The following ERC1 variants were observed in gnomAD, a reference collection of about 807,000 sequenced individuals.
ERC1 encodes the protein RAB6 interacting protein 2.
Under a neutral mutation model 132.0 loss-of-function variants are expected in ERC1, and 56 were observed. The ratio of observed to expected loss-of-function variants is 0.42; its 90% CI spans 0.34 to 0.53. The LOEUF (loss-of-function observed/expected upper bound fraction) is 0.53. ERC1 is among the 20% of genes least tolerant of loss of function. The probability of loss-of-function intolerance (pLI) is 0.03; values close to 1 mark genes in which losing one functional copy is unlikely to be tolerated. For missense variants in ERC1, 1,202 were observed against 1,349.9 expected (o/e 0.89, Z 1.72); for synonymous variants, 478 against 476.1 (o/e 1.00, Z -0.05).
intron 18 of ERC1, among the ~76,000 whole-genome samples, chr12:1,460,958 CTTTT>C (rs35505633): frequency 1.5e-5 from 1 of 64,912 alleles, no homozygotes; most frequent in Non-Finnish European, 2.6e-5. Flanking sequence ...TGAGGAGGCC[CTTTT>C]TTTTTTTTTT....
intron 2 of ERC1, among the ~76,000 whole-genome samples, chr12:1,032,427 A>G (rs952094972): frequency 2.0e-5 from 3 of 152,202 alleles, no homozygotes; most frequent in Non-Finnish European, 4.4e-5. Flanking sequence ...GAGCTCAACC[A>G]TGAAAGGAAA....
intron 1 of ERC1, among the ~76,000 whole-genome samples, chr12:1,007,823 T>C (rs1212281204): frequency 6.6e-6 from 1 of 152,122 alleles, no homozygotes; most frequent in Non-Finnish European, 1.5e-5. Context: ...TCCAGAGTAC[T>C]ATGAAGTTAT....
intron 8 of ERC1, among the ~76,000 whole-genome samples, chr12:1,179,048 T>C (rs1408859467): frequency 6.6e-6 from 1 of 152,250 alleles, no homozygotes; most frequent in Non-Finnish European, 1.5e-5. Context: ...CCTCATAGTT[T>C]GCTTGATTTT....
chr12:1,093,225 G>T (rs1943478769), intron 3 of ERC1, among the ~76,000 whole-genome samples: 1 of 152,188 alleles, frequency 6.6e-6, no homozygotes, highest in South Asian at 2.1e-4. Context: ...GAGGTAAAAA[G>T]TAAGATTTCA....
chr12:1,317,584 C>T (rs572733067), intron 15 of ERC1, among the ~76,000 whole-genome samples: 2 of 151,964 alleles, frequency 1.3e-5, no homozygotes, highest in South Asian at 4.2e-4. Context: ...AAAATTGCTG[C>T]TGTTGAATTA....
intron 8 of ERC1, among the ~76,000 whole-genome samples, chr12:1,155,563 C>T (rs1156370472): frequency 3.3e-5 from 5 of 151,990 alleles, no homozygotes. Context: ...GCAAGCTCCA[C>T]CTCCCTGGGT....
chr12:1,115,779 A>G, intron 6 of ERC1, 87 bp from the exon 7 acceptor site: 1 of 1,158,232 alleles, frequency 8.6e-7, no homozygotes, highest in Middle Eastern at 2.1e-4. Flanking sequence ...TTAGTTTCAT[A>G]TTTTGTGACT....
At chr12:1,332,616 G>A (rs1041780230) in intron 15 of ERC1, among the ~76,000 whole-genome samples, 27 of 152,182 alleles carry the variant, frequency 1.8e-4, no homozygotes, top group African/African-American at 6.0e-4. Context: ...ACTGGTAGCC[G>A]TCTCTTTAGG....
intron 3 of ERC1, among the ~76,000 whole-genome samples, chr12:1,084,736 G>T (rs994852184): frequency 6.6e-6 from 1 of 151,752 alleles, no homozygotes; most frequent in Non-Finnish European, 1.5e-5. Context: ...CTGTCACTCA[G>T]GCTGGAGTGC....
intron 2 of ERC1, among the ~76,000 whole-genome samples, chr12:1,082,409 C>G (rs1281804723): frequency 1.3e-5 from 2 of 151,594 alleles, no homozygotes; most frequent in African/African-American, 4.9e-5. Context: ...CTGCCTCGGC[C>G]TCCCAAAGTG....
intron 18 of ERC1, among the ~76,000 whole-genome samples, chr12:1,450,548 T>C (rs140019995): frequency 2.6e-5 from 4 of 152,368 alleles, no homozygotes; most frequent in African/African-American, 4.8e-5. Context: ...CCTCCATTGA[T>C]GAACACTCGG....
intron 12 of ERC1, among the ~76,000 whole-genome samples, chr12:1,200,565 T>C (rs952742552): frequency 1.3e-5 from 2 of 150,788 alleles, no homozygotes; most frequent in African/African-American, 4.9e-5. Context: ...TTCCTTTTCT[T>C]TTTTTTTTTC....
intron 1 of ERC1, among the ~76,000 whole-genome samples, chr12:1,009,331 C>T (rs934445008): frequency 2.6e-5 from 4 of 151,992 alleles, no homozygotes; most frequent in African/African-American, 4.8e-5. Context: ...CCCGCCACCA[C>T]GCCCGGCTAA....
rs182073242 is a variant in ERC1, at chr12:1,233,718, A to G, written c.2352-3051A>G. Among the ~76,000 whole-genome samples, 249 of 152,202 alleles carry G rather than the reference A, an allele frequency of 1.6e-3. 1 individual carries two copies. The highest frequency in any genetic ancestry group is 6.8e-3 in the Middle Eastern group (2 of 294). On this transcript the variant is annotated intron_variant, in intron 12 of 18. Transcript: ENST00000360905. ...TACAATCCAGAATGTGAGTCGTTGT[A>G]TGGAATAATTGATTTCCTTTTTAAA... is the stretch of plus-strand genomic sequence containing the variant.
At chr12:1,483,500 C>T (rs140590846) in intron 18 of ERC1, among the ~76,000 whole-genome samples, 161 of 151,964 alleles carry the variant, frequency 1.1e-3, no homozygotes, top group African/African-American at 3.7e-3. Context: ...TTCTTAAGGT[C>T]GTAGAGTATC....
intron 16 of ERC1, among the ~76,000 whole-genome samples, chr12:1,392,264 A>C (rs138142507): frequency 3.7e-4 from 57 of 152,340 alleles, no homozygotes; most frequent in African/African-American, 1.3e-3. Flanking sequence ...CAGAGAGATG[A>C]CATATTGATA....
intron 15 of ERC1, among the ~76,000 whole-genome samples, chr12:1,329,901 CT>C (rs760891896): frequency 9.8e-5 from 15 of 152,298 alleles, no homozygotes; most frequent in Non-Finnish European, 1.5e-4. Context: ...TTTGACCCCA[CT>C]TTTCTAGTGT....
chr12:1,119,159 G>C (rs906207207), intron 7 of ERC1, among the ~76,000 whole-genome samples: 1 of 152,148 alleles, frequency 6.6e-6, no homozygotes, highest in African/African-American at 2.4e-5. Flanking sequence ...GATTACAGGC[G>C]TGAGCCACTG....
intron 12 of ERC1, among the ~76,000 whole-genome samples, chr12:1,227,065 T>C (rs2074636144): frequency 6.6e-6 from 1 of 152,244 alleles, no homozygotes; most frequent in Non-Finnish European, 1.5e-5. Flanking sequence ...ACTTATGTTG[T>C]TTCACATTTT....
Sources: allele counts gnomAD v4.1 joint callset (sites outside exome capture counted in the v4.1 genomes callset), GRCh38; gene constraint gnomAD v4.1.1; transcripts MANE v1.5; gene names NCBI Gene and HGNC (gene_info 2026-07-23, HGNC 2026-07-21).